Variants in POLR1A observed in about 807,000 individuals in gnomAD.
POLR1A encodes RNA polymerase I subunit A, also known as DNA-directed RNA polymerase I subunit RPA1.
Under a neutral mutation model 205.3 loss-of-function variants are expected in POLR1A, and 84 were observed. The ratio of observed to expected loss-of-function variants is 0.41; its 90% CI spans 0.34 to 0.49. The LOEUF (loss-of-function observed/expected upper bound fraction) is 0.49, where lower values mean the gene tolerates loss of function less well. POLR1A is among the 20% of genes least tolerant of loss of function. POLR1A has a pLI of 0.22. For synonymous variants in POLR1A, 799 were observed against 863.7 expected, an observed-to-expected ratio of 0.93 and a Z score of 1.31; for missense variants, 1,645 against 2,204.5, an observed-to-expected ratio of 0.75 and a Z score of 5.08.
chr2:86,072,381 C>G (rs888278297), intron 12 of POLR1A, among the ~76,000 whole-genome samples: 2 of 152,234 alleles, frequency 1.3e-5, no homozygotes, highest in African/African-American at 4.8e-5. Flanking sequence ...CTGCCTAGAC[C>G]TGTGGCCCAA....
At chr2:86,049,926 T>A (rs543334612) in intron 16 of POLR1A, among the ~76,000 whole-genome samples, 28 of 152,190 alleles carry the variant, frequency 1.8e-4, no homozygotes, top group Admixed American at 3.3e-4. Context: ...TTTTTTTGTT[T>A]TTGTTTTTTG....
At chr2:86,036,789 C>A (rs1413244972) in intron 27 of POLR1A, among the ~76,000 whole-genome samples, 2 of 152,140 alleles carry the variant, frequency 1.3e-5, no homozygotes, top group Admixed American at 1.3e-4. Flanking sequence ...CTTTATTTAT[C>A]ACAGATTTTC....
At chr2:86,086,328 C>T (rs757270946) in intron 6 of POLR1A, among the ~76,000 whole-genome samples, 19 of 152,140 alleles carry the variant, frequency 1.2e-4, no homozygotes, top group Non-Finnish European at 1.9e-4. Context: ...TCAGATGATC[C>T]GCCTGACTCG....
At chr2:86,054,449 A>T (rs1672860201) in intron 14 of POLR1A, among the ~76,000 whole-genome samples, 160 bp from the exon 15 acceptor site, 1 of 152,214 alleles carries the variant, frequency 6.6e-6, no homozygotes, top group African/African-American at 2.4e-5. Flanking sequence ...AAAAACAGAC[A>T]GGTCCACCTC....
chr2:86,028,136 G>A lies in POLR1A; in HGVS notation c.4898-87C>T, dbSNP rs1672305275. 3.9e-6 allele frequency: 5 copies of A among 1,281,648 alleles called. No individual in the cohort carries two copies. The highest frequency in any genetic ancestry group is 5.6e-6 in the Non-Finnish European group (5 of 885,186). 79.4% of individuals were successfully genotyped at this position (1,281,648 alleles called of 1,614,324 possible). On this transcript the variant is annotated intron_variant, in intron 32 of 33. Coordinates refer to ENST00000263857, the MANE Select transcript of POLR1A (RefSeq NM_015425.6). The surrounding 1 kb of genome is among the most constrained non-coding windows in gnomAD (Gnocchi z 4.5). Reference sequence around the variant, plus strand: ...CACAAGCCAAGCTGCCTCCACATCAGCACATGGCTTGGGAGTTAGACTCTG... The same window carrying A: ...CACAAGCCAAGCTGCCTCCACATCAACACATGGCTTGGGAGTTAGACTCTG...
intron 3 of POLR1A, among the ~76,000 whole-genome samples, chr2:86,097,186 T>A (rs6741577): frequency 0.77 from 102,458 of 133,342 alleles, 39,879 homozygotes; most frequent in Middle Eastern, 0.86. Flanking sequence ...TTTCATCTCA[T>A]CCCATTAGGA....
At chr2:86,047,967 A>G (rs1672737429) in intron 18 of POLR1A, among the ~76,000 whole-genome samples, 1 of 152,158 alleles carries the variant, frequency 6.6e-6, no homozygotes, top group East Asian at 1.9e-4. Context: ...CCCTACTCCT[A>G]GCATCCCCAG....
chr2:86,068,098 T>C (rs1265968353), intron 13 of POLR1A, among the ~76,000 whole-genome samples: 3 of 152,186 alleles, frequency 2.0e-5, no homozygotes, highest in Non-Finnish European at 4.4e-5. Flanking sequence ...AAGTCTCCTA[T>C]GGCTTTGCAC....
rs1379123347 is a variant in POLR1A, at chr2:86,023,314, G to A, written c.*4109C>T. On this transcript the variant is annotated 3_prime_UTR_variant, in exon 34 of 34. Coordinates refer to ENST00000263857, the MANE Select transcript of POLR1A (RefSeq NM_015425.6). ...CTGCCCCACTGAGCCATCTGCAGAG[G>A]TGGTATCACTCAACGATGAAAGACT... 1.3e-5 allele frequency: 2 copies of A among 152,198 alleles called. No individual in the cohort carries two copies. Among genetic ancestry groups the A allele is most frequent in the African/African-American group, 2.4e-5 (1 of 41,440 alleles). The allele number at this position is 152,198 out of a possible 1,614,324, so 9.4% of individuals were successfully genotyped here.
chr2:86,099,315 C>A (rs1446727283), intron 2 of POLR1A, among the ~76,000 whole-genome samples: 3 of 151,374 alleles, frequency 2.0e-5, no homozygotes, highest in Non-Finnish European at 4.4e-5. Flanking sequence ...CAAGATCGTG[C>A]CACTGCACTC....
At chr2:86,096,900 A>G (rs1673714386) in intron 3 of POLR1A, among the ~76,000 whole-genome samples, 1 of 152,182 alleles carries the variant, frequency 6.6e-6, no homozygotes, top group Non-Finnish European at 1.5e-5. Flanking sequence ...TGCACAACAA[A>G]GTAGTCAGTC....
intron 1 of POLR1A, 50 bp from the exon 2 acceptor site, chr2:86,100,222 T>C: frequency 7.3e-7 from 1 of 1,374,516 alleles, no homozygotes; most frequent in Non-Finnish European, 1.0e-6. Context: ...CCAACCTCTC[T>C]GATGTTTCCT....
intron 33 of POLR1A, 141 bp downstream of exon 33, chr2:86,027,744 C>T (rs543999925): frequency 2.1e-6 from 2 of 957,046 alleles, no homozygotes; most frequent in African/African-American, 1.6e-5. Context: ...TGCTGTTCAG[C>T]CCCCTCCAGC....
chr2:86,098,849 T>C, intron 2 of POLR1A, 89 bp from the exon 3 acceptor site: 3 of 1,228,324 alleles, frequency 2.4e-6, no homozygotes, highest in Non-Finnish European at 2.4e-6. Flanking sequence ...TTTCTTTATG[T>C]AGTCAGTCTA....
intron 13 of POLR1A, among the ~76,000 whole-genome samples, chr2:86,067,758 G>A (rs539187703): frequency 1.3e-5 from 2 of 152,238 alleles, no homozygotes; most frequent in Admixed American, 1.3e-4. Context: ...TTAGGACTCT[G>A]CCAATAAAGA....
At chr2:86,027,705 C>T (rs1167870381) in intron 33 of POLR1A, among the ~76,000 whole-genome samples, 180 bp downstream of exon 33, 1 of 152,178 alleles carries the variant, frequency 6.6e-6, no homozygotes. Flanking sequence ...CTTCCTGTTC[C>T]TTCAAAGCGT....
At chr2:86,081,107 A>C in intron 8 of POLR1A, 129 bp from the exon 9 acceptor site, 1 of 812,730 alleles carries the variant, frequency 1.2e-6, no homozygotes, top group Non-Finnish European at 1.9e-6. Flanking sequence ...TTCCTAACCA[A>C]CATTCCGGCT....
In POLR1A at chr2:86,100,202, G is replaced by A. The variant is rs1673787474; in HGVS notation, c.78-30C>T. ...GGGGATAAAAAAGACCAAGAGGAAA[G>A]CTAAAGTTACCAACCTCTCTGATGT... On this transcript the variant is annotated intron_variant, in intron 1 of 33. Coordinates refer to ENST00000263857, the MANE Select transcript of POLR1A (RefSeq NM_015425.6). The A allele has an allele frequency of 1.2e-5, 19 of 1,544,852 alleles. 1 individual carries two copies. The Middle Eastern group carries it at 2.9e-3, about 233-fold the overall frequency.
intron 15 of POLR1A, 57 bp downstream of exon 15, chr2:86,054,083 C>T: frequency 1.9e-6 from 3 of 1,560,868 alleles, no homozygotes; most frequent in Non-Finnish European, 2.6e-6. Flanking sequence ...CATTTTAAAC[C>T]AATCTGTCTA....
Sources: allele counts gnomAD v4.1 joint callset (sites outside exome capture counted in the v4.1 genomes callset), GRCh38; gene constraint gnomAD v4.1.1; non-coding constraint Gnocchi (gnomAD v3.1); transcripts MANE v1.5; gene names NCBI Gene and HGNC (gene_info 2026-07-23, HGNC 2026-07-21).